NDUFAF7: variants seen among roughly 807,000 people sequenced by gnomAD.
NDUFAF7 encodes the protein protein arginine methyltransferase NDUFAF7, mitochondrial.
A neutral mutation model predicts 47.2 loss-of-function variants in NDUFAF7; 48 were observed. That is an observed-to-expected ratio of 1.02 (90% confidence interval 0.81 to 1.29). NDUFAF7 has a LOEUF of 1.29. NDUFAF7 is among the 50% of genes most tolerant of loss of function. The pLI, the probability that NDUFAF7 is intolerant of heterozygous loss-of-function variation, is 0.00. For synonymous variants in NDUFAF7, 217 were observed against 190.0 expected, an observed-to-expected ratio of 1.14 and a Z score of -1.17; for missense variants, 635 against 537.6, an observed-to-expected ratio of 1.18 and a Z score of -1.79.
the NDUFAF7 span, among the ~76,000 whole-genome samples, chr2:37,262,335 C>A: frequency 6.6e-6 from 1 of 152,078 alleles, no homozygotes; most frequent in Middle Eastern, 3.2e-3. Context: ...GTATTCTACT[C>A]CATTGTTTAA....
Position 37,241,432 on chromosome 2 carries a change from G to C in NDUFAF7, c.409-146G>C, listed in dbSNP as rs897723605. 1.9e-5 allele frequency: 13 copies of C among 675,724 alleles called. No individual in the cohort carries two copies. The African/African-American group carries it at 2.3e-4, about 12-fold the overall frequency. 41.9% of individuals were successfully genotyped at this position (675,724 alleles called of 1,614,324 possible). ...TAACTAGTAGGTTAGGATTCTTATA[G>C]ACTGCTGGAGAGTGGCTTGGGTAAG... On this transcript the variant is annotated intron_variant, in intron 4 of 9. Transcript: ENST00000002125.
Position 37,231,719 on chromosome 2 carries a change from T to C in NDUFAF7, c.14T>C (p.Leu5Pro), listed in dbSNP as rs141773676. The change falls in exon 1 of 10, where the codon CTG becomes CCG. Residue 5 changes from leucine to proline, a missense_variant. By Grantham distance (98) the Leu-to-Pro change is moderately conservative (BLOSUM62 -3). Transcript: ENST00000002125. MSVL[L>P]RSGLGPLCAV... ...GCGAATTTCAGCATGAGTGTACTGCTGAGGTCAGGTTTGGGGCCGTTGTGT... is the reference window on the plus strand; with the variant it reads ...GCGAATTTCAGCATGAGTGTACTGCCGAGGTCAGGTTTGGGGCCGTTGTGT... 2.2e-4 allele frequency: 358 copies of C among 1,614,208 alleles called. No individual in the cohort carries two copies. The highest frequency in any genetic ancestry group is 5.8e-4 in the Admixed American group (35 of 60,028).
chr2:37,265,665 T>C, the NDUFAF7 span, among the ~76,000 whole-genome samples: 3 of 152,088 alleles, frequency 2.0e-5, no homozygotes, highest in South Asian at 6.2e-4. Flanking sequence ...GAAAGCCAAA[T>C]ATAAAAGTAT....
the NDUFAF7 span, among the ~76,000 whole-genome samples, chr2:37,264,382 T>C: frequency 6.6e-6 from 1 of 152,178 alleles, no homozygotes; most frequent in Non-Finnish European, 1.5e-5. Context: ...AAACAAAACT[T>C]GACAAAGATG....
At chr2:37,259,145 T>G in the NDUFAF7 span, among the ~76,000 whole-genome samples, 4 of 152,142 alleles carry the variant, frequency 2.6e-5, no homozygotes. Flanking sequence ...GTATGTGTGG[T>G]GATGAGAAAT....
chr2:37,252,147 CACT>C (rs1667550801), downstream of NDUFAF7: 1 of 152,148 alleles, frequency 6.6e-6, no homozygotes, highest in Non-Finnish European at 1.5e-5. Context: ...GACTTTAAAA[CACT>C]CCAGATATCT....
chr2:37,250,444 T>C (rs1051576307), downstream of NDUFAF7: 1 of 152,190 alleles, frequency 6.6e-6, no homozygotes, highest in Non-Finnish European at 1.5e-5. Context: ...AATTTGGTGG[T>C]AGTTTCTGAA....
At chr2:37,269,552 T>C in the NDUFAF7 span, 1 of 1,397,694 alleles carries the variant, frequency 7.2e-7, no homozygotes, top group Non-Finnish European at 1.0e-6. Context: ...AGCTGGCAGA[T>C]GTTTTACATT....
At chr2:37,271,145 T>C in the NDUFAF7 span, among the ~76,000 whole-genome samples, 2 of 152,218 alleles carry the variant, frequency 1.3e-5, no homozygotes, top group Admixed American at 6.5e-5. Context: ...AACAGCTAAG[T>C]GCCCCAAGTA....
the NDUFAF7 span, chr2:37,269,480 T>C: frequency 1.4e-6 from 1 of 707,074 alleles, no homozygotes; most frequent in South Asian, 1.6e-5. Context: ...AGGATTTAGC[T>C]GAAAGATAAC....
At chr2:37,260,491 G>T in the NDUFAF7 span, 1 of 1,014,726 alleles carries the variant, frequency 9.9e-7, no homozygotes, top group Admixed American at 2.6e-5. Context: ...AAAGCCTAGA[G>T]AAGTAAACAA....
At chr2:37,251,847 G>A (rs756094157), downstream of NDUFAF7, 1 of 149,976 alleles carries the variant, frequency 6.7e-6, no homozygotes, top group Non-Finnish European at 1.5e-5. Context: ...CTCAGCAAAA[G>A]TTTTGTTCTT....
chr2:37,267,811 AATGATAGTTAATTAC>A, the NDUFAF7 span: 2 of 342,682 alleles, frequency 5.8e-6, no homozygotes, highest in Admixed American at 4.7e-5. Context: ...TTGTTAAATC[AATGATAGTTAATTAC>A]CCTGACCTAG....
In NDUFAF7 at chr2:37,248,408, C is replaced by T. The variant is rs1667154104; in HGVS notation, c.*58C>T. 6.7e-7 allele frequency: 1 copy of T among 1,500,170 alleles called. No individual in the cohort carries two copies. Among genetic ancestry groups the T allele is most frequent in the Non-Finnish European group, 9.3e-7 (1 of 1,076,976 alleles). The allele number at this position is 1,500,170 out of a possible 1,614,324, so 92.9% of individuals were successfully genotyped here. ...GCCCAAGAAATCAAAATAAAGGAAA[C>T]ACATTTCATATACTGCAGGTAACAA... is the stretch of plus-strand genomic sequence containing the variant. On this transcript the variant is annotated 3_prime_UTR_variant, in exon 10 of 10. Coordinates refer to ENST00000002125, the MANE Select transcript of NDUFAF7 (RefSeq NM_144736.5).
At chr2:37,243,995 T>C in intron 7 of NDUFAF7, 22 bp downstream of exon 7, 1 of 1,532,272 alleles carries the variant, frequency 6.5e-7, no homozygotes, top group South Asian at 1.1e-5. Context: ...CTTTTTTAAG[T>C]TTCTTTTATT....
At chr2:37,253,368 T>G (rs1168219044), downstream of NDUFAF7, 1 of 1,581,414 alleles carries the variant, frequency 6.3e-7, no homozygotes. Flanking sequence ...AAAATGAAAT[T>G]GTAATGATGA....
chr2:37,250,947 A>G (rs1667441090), downstream of NDUFAF7: 1 of 152,630 alleles, frequency 6.6e-6, no homozygotes, highest in Non-Finnish European at 1.5e-5. Context: ...CCTTTACAAA[A>G]TTTTTAGAAA....
chr2:37,239,109 T>C (rs1262195034), intron 4 of NDUFAF7, among the ~76,000 whole-genome samples: 1 of 150,496 alleles, frequency 6.6e-6, no homozygotes, highest in Non-Finnish European at 1.5e-5. Context: ...TACATCCTTT[T>C]TTCTTTCTCT....
intron 9 of NDUFAF7, 28 bp from the exon 10 acceptor site, chr2:37,248,107 T>G: frequency 1.9e-6 from 3 of 1,554,522 alleles, no homozygotes; most frequent in Non-Finnish European, 2.7e-6. Flanking sequence ...CTTCTGGTTA[T>G]TTTTGCTAAG....
Sources: gnomAD v4.1 joint callset for allele counts (sites outside exome capture counted in the v4.1 genomes callset) on GRCh38, gnomAD v4.1.1 for gene constraint, MANE v1.5 for transcripts, NCBI Gene and HGNC (gene_info 2026-07-23, HGNC 2026-07-21) for gene names.